The following KIRREL3 variants were observed in gnomAD, a reference collection of about 807,000 sequenced individuals.
KIRREL3 encodes kirre like nephrin family adhesion molecule 3.
Under a neutral mutation model 89.7 loss-of-function variants are expected in KIRREL3, and 36 were observed. The observed-to-expected ratio is 0.40, with a 90% CI of 0.31 to 0.53. The LOEUF (loss-of-function observed/expected upper bound fraction) is 0.53. Ranked by LOEUF, KIRREL3 falls within the 20% of genes least tolerant of loss-of-function variation. The pLI is 0.49. For missense variants in KIRREL3, 864 were observed against 1,056.6 expected, an observed-to-expected ratio of 0.82 and a Z score of 2.53; for synonymous variants, 445 against 441.4, an observed-to-expected ratio of 1.01 and a Z score of -0.10.
intron 2 of KIRREL3, among the ~76,000 whole-genome samples, chr11:126,543,639 C>T (rs1038148717): frequency 2.0e-5 from 3 of 152,162 alleles, no homozygotes; most frequent in Non-Finnish European, 4.4e-5. Flanking sequence ...CCAAAAACAG[C>T]TATAAAGCTG....
chr11:126,581,106 A>G (rs1941524189), intron 1 of KIRREL3, among the ~76,000 whole-genome samples: 1 of 152,084 alleles, frequency 6.6e-6, no homozygotes, highest in East Asian at 1.9e-4. Context: ...GTGGCAGATA[A>G]AATCAGTGCC....
chr11:126,548,821 G>A (rs1448788588), intron 2 of KIRREL3, among the ~76,000 whole-genome samples: 1 of 152,202 alleles, frequency 6.6e-6, no homozygotes, highest in East Asian at 1.9e-4. Flanking sequence ...TCAAGGCAAT[G>A]ACGTCAGTGG....
chr11:126,971,703 C>A (rs1949429413), intron 1 of KIRREL3, among the ~76,000 whole-genome samples: 1 of 152,130 alleles, frequency 6.6e-6, no homozygotes, highest in Admixed American at 6.5e-5. Context: ...TCGTCTGTAA[C>A]CCAAATTAGC....
In KIRREL3 at chr11:126,686,170, T is replaced by A. The variant is rs1475635503; in HGVS notation, c.56-123258A>T. Among the ~76,000 whole-genome samples, 1 of 152,202 alleles carries A rather than the reference T, an allele frequency of 6.6e-6. No individual in the cohort carries two copies. The highest frequency in any genetic ancestry group is 2.4e-5 in the African/African-American group (1 of 41,452). Reference sequence around the variant, plus strand: ...AGGGTCTCTGCGTTCTGCCTTTGTGTTGAGCTTCTCCTCCACAGCCCACCC... The same window carrying A: ...AGGGTCTCTGCGTTCTGCCTTTGTGATGAGCTTCTCCTCCACAGCCCACCC... On this transcript the variant is annotated intron_variant, in intron 1 of 16. Transcript: ENST00000525144. The surrounding 1 kb of genome is among the most constrained non-coding windows in gnomAD (Gnocchi z 4.7).
chr11:126,464,876 A>C (rs1261405764), intron 5 of KIRREL3, among the ~76,000 whole-genome samples: 1 of 152,184 alleles, frequency 6.6e-6, no homozygotes, highest in Non-Finnish European at 1.5e-5. Context: ...TGGCAGCCCT[A>C]GGAAGCAAAC....
rs1271843686 is a variant in KIRREL3, at chr11:126,514,863, AC to A, written c.433+6451del. Among the ~76,000 whole-genome samples the A allele has an allele frequency of 1.9e-3, 161 of 85,074 alleles. 1 individual carries two copies. The highest frequency in any genetic ancestry group is 8.8e-3 in the African/African-American group (157 of 17,762). 55.8% of individuals were successfully genotyped at this position (85,074 alleles called of 152,430 possible). A position where few individuals can be genotyped will look rare whatever the true frequency, so the allele number is the denominator to read the frequency against. On this transcript the variant is annotated intron_variant, in intron 4 of 16. Coordinates refer to ENST00000525144, the MANE Select transcript of KIRREL3 (RefSeq NM_032531.4). The stretch of plus-strand genomic sequence containing the variant: ...ACAACACAACACAACACAACACAAC[AC>A]AACAAAACACAATTGTCATCCGTGT...
rs1945075217 is a variant in KIRREL3, at chr11:126,870,570, C to G, written c.55+129885G>C. Reference sequence around the variant, plus strand: ...CGGCTCCCATAGTGGCCCCTCCTGGCTCCACCATACCCTCACCATGCCAGG... The same window carrying G: ...CGGCTCCCATAGTGGCCCCTCCTGGGTCCACCATACCCTCACCATGCCAGG... On this transcript the variant is annotated intron_variant, in intron 1 of 16. Coordinates refer to ENST00000525144, the MANE Select transcript of KIRREL3 (RefSeq NM_032531.4). This position sits in a 1 kb window ranked among gnomAD's most constrained non-coding sequence, Gnocchi z 4.4. Among the ~76,000 whole-genome samples, 1 of 152,222 alleles carries G rather than the reference C, an allele frequency of 6.6e-6. No individual in the cohort carries two copies. The highest frequency in any genetic ancestry group is 2.1e-4 in the South Asian group (1 of 4,836).
Position 126,608,671 on chromosome 11 carries a change from C to T in KIRREL3, c.56-45759G>A, listed in dbSNP as rs1240029192. On this transcript the variant is annotated intron_variant, in intron 1 of 16. Coordinates refer to ENST00000525144, the MANE Select transcript of KIRREL3 (RefSeq NM_032531.4). This position sits in a 1 kb window ranked among gnomAD's most constrained non-coding sequence, Gnocchi z 4.9. ...GTAGGAGCCCCCTTCCCAGCCCTCCCTGGCTAAGGGATGGTGGTCCCAGAG... is the reference window on the plus strand; with the variant it reads ...GTAGGAGCCCCCTTCCCAGCCCTCCTTGGCTAAGGGATGGTGGTCCCAGAG... Among the ~76,000 whole-genome samples the T allele has an allele frequency of 2.6e-5, 4 of 152,222 alleles. No individual in the cohort carries two copies. Among genetic ancestry groups the T allele is most frequent in the African/African-American group, 9.6e-5 (4 of 41,462 alleles).
At chr11:126,702,374 T>A (rs531545652) in intron 1 of KIRREL3, among the ~76,000 whole-genome samples, 1 of 152,214 alleles carries the variant, frequency 6.6e-6, no homozygotes, top group African/African-American at 2.4e-5. Flanking sequence ...ATGATGATTA[T>A]GATGATTGTT....
rs371948641 is a variant in KIRREL3 at position 126,948,192 on chromosome 11, C to T, written c.55+52263G>A. On this transcript the variant is annotated intron_variant, in intron 1 of 16. Transcript: ENST00000525144. This position sits in a 1 kb window ranked among gnomAD's most constrained non-coding sequence, Gnocchi z 4.5. The stretch of plus-strand genomic sequence containing the variant: ...TCAACTTAAAGTATAATACCTACCA[C>T]GCTTGATGTCTTTCTCCTTTGATTT... Among the ~76,000 whole-genome samples the T allele has an allele frequency of 6.6e-5, 10 of 152,274 alleles. 1 individual carries two copies. The South Asian group carries it at 1.2e-3, about 19-fold the overall frequency.
At chr11:126,966,469 C>T (rs1021247972) in intron 1 of KIRREL3, among the ~76,000 whole-genome samples, 3 of 152,134 alleles carry the variant, frequency 2.0e-5, no homozygotes, top group Non-Finnish European at 4.4e-5. Context: ...CCTATCCTTG[C>T]TTTATATTTT....
chr11:126,913,447 G>C (rs1039253042), intron 1 of KIRREL3, among the ~76,000 whole-genome samples: 6 of 152,228 alleles, frequency 3.9e-5, no homozygotes, highest in African/African-American at 1.4e-4. Context: ...TTAAGAGAGA[G>C]GATGGAAAGC....
Position 126,441,133 on chromosome 11 carries a change from G to C in KIRREL3, c.1253-584C>G, listed in dbSNP as rs1955548998. On this transcript the variant is annotated intron_variant, in intron 10 of 16. Transcript: ENST00000525144. This position sits in a 1 kb window ranked among gnomAD's most constrained non-coding sequence, Gnocchi z 5.0. ...GACAGGGGGAATGCATGCGCTGGCC[G>C]TGTTCACAGCCCTCCTCCCACCTGT... Among the ~76,000 whole-genome samples the C allele has an allele frequency of 6.6e-6, 1 of 152,354 alleles. No homozygotes were observed. Among genetic ancestry groups the C allele is most frequent in the Non-Finnish European group, 1.5e-5 (1 of 68,034 alleles).
rs1303340534 is a variant in KIRREL3, at chr11:126,645,324, C to T, written c.56-82412G>A. ...CTCCAGCGTCTTCATGTGTGGTCCTCAAATCCTGAATACTTCTCTCCCAGA... is the reference window on the plus strand; with the variant it reads ...CTCCAGCGTCTTCATGTGTGGTCCTTAAATCCTGAATACTTCTCTCCCAGA... On this transcript the variant is annotated intron_variant, in intron 1 of 16. Transcript: ENST00000525144. This position sits in a 1 kb window ranked among gnomAD's most constrained non-coding sequence, Gnocchi z 4.9. Among the ~76,000 whole-genome samples, 1 of 152,154 alleles carries T rather than the reference C, an allele frequency of 6.6e-6. No individual in the cohort carries two copies. The highest frequency in any genetic ancestry group is 1.9e-4 in the East Asian group (1 of 5,192).
intron 1 of KIRREL3, among the ~76,000 whole-genome samples, chr11:126,998,283 G>T (rs1327744902): frequency 6.6e-6 from 1 of 152,198 alleles, no homozygotes; most frequent in Non-Finnish European, 1.5e-5. Context: ...TTGCAGTGAA[G>T]TCCATAAAAC....
chr11:126,866,910 C>T (rs1944944972), intron 1 of KIRREL3, among the ~76,000 whole-genome samples: 1 of 152,200 alleles, frequency 6.6e-6, no homozygotes, highest in Non-Finnish European at 1.5e-5. Flanking sequence ...TCAATAAAAC[C>T]TTGCACTCAT....
intron 5 of KIRREL3, among the ~76,000 whole-genome samples, chr11:126,464,262 C>G (rs750501552): frequency 6.8e-6 from 1 of 146,090 alleles, no homozygotes; most frequent in Non-Finnish European, 1.5e-5. Context: ...AATCCCAGCA[C>G]TTTGGGAGGC....
At chr11:126,560,392 T>C (rs1940028909) in intron 2 of KIRREL3, among the ~76,000 whole-genome samples, 2 of 152,234 alleles carry the variant, frequency 1.3e-5, no homozygotes, top group African/African-American at 2.4e-5. Flanking sequence ...AAACCTCTCA[T>C]TGACTATCAC....
In KIRREL3 at chr11:126,523,718, GCCGCTGCCTT is replaced by G. The variant is rs1169439630; in HGVS notation, c.284-2264_284-2255del. On this transcript the variant is annotated intron_variant, in intron 3 of 16. Coordinates refer to ENST00000525144, the MANE Select transcript of KIRREL3 (RefSeq NM_032531.4). This position sits in a 1 kb window ranked among gnomAD's most constrained non-coding sequence, Gnocchi z 4.9. ...GTTCTAGCCCAATCCTCTCCCTGCT[GCCGCTGCCTT>G]CCTTGTAGCTGGCTGGCTACCCCCA... Among the ~76,000 whole-genome samples, 1 of 152,138 alleles carries G rather than the reference GCCGCTGCCTT, an allele frequency of 6.6e-6. No homozygotes were observed. Among genetic ancestry groups the G allele is most frequent in the Non-Finnish European group, 1.5e-5 (1 of 68,018 alleles).
Sources: allele counts gnomAD v4.1 joint callset (sites outside exome capture counted in the v4.1 genomes callset), GRCh38; gene constraint gnomAD v4.1.1; non-coding constraint Gnocchi (gnomAD v3.1); transcripts MANE v1.5; gene names NCBI Gene and HGNC (gene_info 2026-07-23, HGNC 2026-07-21).